The following UNC79 variants were observed in gnomAD, a reference collection of about 807,000 sequenced individuals.
UNC79 encodes the protein unc-79 subunit of NALCN channel complex.
In UNC79, 37 loss-of-function variants were observed where a neutral mutation model predicts 283.1. The observed-to-expected ratio is 0.13, with a 90% confidence interval of 0.10 to 0.17. UNC79 has a LOEUF of 0.17. Among genes scored for constraint, UNC79 ranks in the 10% least tolerant of loss-of-function variants. The pLI is 1.00. For synonymous variants in UNC79, 1,107 were observed against 1,200.2 expected (o/e 0.92, Z 1.61); for missense variants, 2,272 against 3,211.1 (o/e 0.71, Z 7.07).
rs147412669 is a variant in UNC79 at position 93,671,500 on chromosome 14, C to T, written c.6637-1851C>T. On this transcript the variant is annotated intron_variant, in intron 40 of 48. Coordinates refer to ENST00000555664, the Ensembl canonical transcript of UNC79. ...AAAAAACAAAAAACAGGGCCAGGCG[C>T]GGTGGCTCACACCTGTAATCCCAGC... Among the ~76,000 whole-genome samples, 1,458 of 152,184 alleles carry T rather than the reference C, an allele frequency of 9.6e-3. 13 individuals carry two copies. The highest frequency in any genetic ancestry group is 0.016 in the Non-Finnish European group (1,061 of 67,994).
chr14:93,683,915 G>C (rs970675328), intron 42 of UNC79, among the ~76,000 whole-genome samples: 7 of 151,182 alleles, frequency 4.6e-5, no homozygotes, highest in African/African-American at 1.7e-4. Context: ...TTTAATGTAT[G>C]TGACTTGATG....
At chr14:93,677,890 T>C (rs1365946050) in intron 41 of UNC79, among the ~76,000 whole-genome samples, 1 of 152,186 alleles carries the variant, frequency 6.6e-6, no homozygotes, top group Non-Finnish European at 1.5e-5. Context: ...CCTCGTGATA[T>C]GCCTGCCTCG....
intron 14 of UNC79, among the ~76,000 whole-genome samples, chr14:93,543,793 A>AT (rs2061482757): frequency 6.6e-6 from 1 of 152,026 alleles, no homozygotes; most frequent in Non-Finnish European, 1.5e-5. Context: ...TTTATTTGTG[A>AT]TTTTTTATTT....
chr14:93,568,609 T>C (rs1401611793), intron 14 of UNC79, among the ~76,000 whole-genome samples: 1 of 151,912 alleles, frequency 6.6e-6, no homozygotes, highest in Non-Finnish European at 1.5e-5. Context: ...AGGTGGAGGC[T>C]GCAGTGAGCC....
chr14:93,653,885 C>T, intron 36 of UNC79, 31 bp downstream of exon 39: 1 of 1,613,994 alleles, frequency 6.2e-7, no homozygotes, highest in Non-Finnish European at 8.5e-7. Flanking sequence ...CCAGGCACCA[C>T]AAATTTGCCT....
intron 27 of UNC79, among the ~76,000 whole-genome samples, chr14:93,613,665 T>A (rs1385229719): frequency 6.6e-6 from 1 of 152,092 alleles, no homozygotes; most frequent in Non-Finnish European, 1.5e-5. Context: ...CCGCCCATCT[T>A]GGCCTCCCAA....
At chr14:93,554,624 T>C (rs2062066716) in intron 14 of UNC79, among the ~76,000 whole-genome samples, 1 of 152,158 alleles carries the variant, frequency 6.6e-6, no homozygotes, top group African/African-American at 2.4e-5. Context: ...GGCCCTGTGT[T>C]AGCAAGCTTT....
intron 1 of UNC79, among the ~76,000 whole-genome samples, chr14:93,456,225 T>G (rs1167545006): frequency 6.6e-6 from 1 of 152,126 alleles, no homozygotes; most frequent in Non-Finnish European, 1.5e-5. Context: ...CCCTCAAATC[T>G]TGTTTGGCTT....
At chr14:93,542,347 A>G (rs2061418651) in intron 13 of UNC79, 119 bp from the exon 14 acceptor site, 3 of 1,057,494 alleles carry the variant, frequency 2.8e-6, no homozygotes, top group East Asian at 5.2e-5. Flanking sequence ...AAAACTGCCT[A>G]TTTCAAACAG....
intron 41 of UNC79, among the ~76,000 whole-genome samples, chr14:93,673,940 T>A (rs1335732487): frequency 6.6e-6 from 1 of 152,044 alleles, no homozygotes. Flanking sequence ...TACCCACAGT[T>A]GGGTGTAGGT....
intron 1 of UNC79, among the ~76,000 whole-genome samples, chr14:93,449,225 A>G (rs2056557457): frequency 6.6e-6 from 1 of 152,182 alleles, no homozygotes; most frequent in South Asian, 2.1e-4. Context: ...GGGTTGACTC[A>G]AAAACTATGC....
chr14:93,585,861 A>C (rs965945606), intron 20 of UNC79, among the ~76,000 whole-genome samples: 1 of 151,388 alleles, frequency 6.6e-6, no homozygotes, highest in African/African-American at 2.4e-5. Flanking sequence ...TGCTAGTACA[A>C]ATTGAACACC....
chr14:93,683,642 A>G (rs999882232), intron 42 of UNC79, among the ~76,000 whole-genome samples: 1 of 152,208 alleles, frequency 6.6e-6, no homozygotes, highest in African/African-American at 2.4e-5. Flanking sequence ...TAAAAGGGTT[A>G]TTGAAATCAG....
intron 1 of UNC79, among the ~76,000 whole-genome samples, chr14:93,341,064 C>T (rs2053698046): frequency 6.6e-6 from 1 of 151,984 alleles, no homozygotes; most frequent in African/African-American, 2.4e-5. Context: ...TCTTTTGGAC[C>T]CCAACTGCCA....
intron 35 of UNC79, among the ~76,000 whole-genome samples, chr14:93,650,326 T>C (rs1205270736): frequency 6.6e-6 from 1 of 152,168 alleles, no homozygotes; most frequent in Non-Finnish European, 1.5e-5. Flanking sequence ...GTAAAATACC[T>C]AGGGATGATA....
At chr14:93,483,136 C>T (rs553736602) in intron 4 of UNC79, among the ~76,000 whole-genome samples, 1 of 152,332 alleles carries the variant, frequency 6.6e-6, no homozygotes, top group South Asian at 2.1e-4. Context: ...TAGGTTCAAG[C>T]TCAAGTACAT....
intron 40 of UNC79, among the ~76,000 whole-genome samples, chr14:93,668,405 A>G (rs952695259): frequency 2.6e-5 from 4 of 152,170 alleles, no homozygotes; most frequent in African/African-American, 9.6e-5. Flanking sequence ...GTGACAAAAG[A>G]TAAATCTATT....
intron 1 of UNC79, among the ~76,000 whole-genome samples, chr14:93,406,197 G>GA (rs201309311): frequency 1.3e-5 from 2 of 151,812 alleles, no homozygotes; most frequent in East Asian, 1.9e-4. Context: ...AAAAATTCTA[G>GA]AAAAAAAATT....
chr14:93,588,740 CAAAAAAAAAAAAAA>C (rs397745981), intron 22 of UNC79, among the ~76,000 whole-genome samples: 3 of 17,760 alleles, frequency 1.7e-4, no homozygotes, highest in East Asian at 1.5e-3. Context: ...GACTCCGTCT[CAAAAAAAAAAAAAA>C]AAAAAAAAAA....
Sources: allele counts gnomAD v4.1 joint callset (sites outside exome capture counted in the v4.1 genomes callset), GRCh38; gene constraint gnomAD v4.1.1; transcripts MANE v1.5; gene names NCBI Gene and HGNC (gene_info 2026-07-23, HGNC 2026-07-21).